The following COMMD10 variants were observed in gnomAD, a reference collection of about 807,000 sequenced individuals.
COMMD10 encodes COMM domain containing 10.
In COMMD10, 33 loss-of-function variants were observed where a neutral mutation model predicts 28.9. That is an observed-to-expected ratio of 1.14 (90% CI 0.87 to 1.53). The LOEUF (loss-of-function observed/expected upper bound fraction) is 1.53, where lower values mean the gene tolerates loss of function less well. COMMD10 is among the 40% of genes most tolerant of loss of function. COMMD10 has a pLI of 0.00. For synonymous variants in COMMD10, 110 were observed against 81.7 expected (o/e 1.35, Z -1.87); for missense variants, 310 against 233.4 (o/e 1.33, Z -2.14).
chr5:116,131,232 AAGG>A (rs1481276526), intron 4 of COMMD10, among the ~76,000 whole-genome samples: 1 of 152,018 alleles, frequency 6.6e-6, no homozygotes, highest in African/African-American at 2.4e-5. Flanking sequence ...TAACTTGCTT[AAGG>A]TCAATTAGTA....
chr5:116,140,675 G>A (rs1366308513), intron 5 of COMMD10, among the ~76,000 whole-genome samples: 3 of 151,848 alleles, frequency 2.0e-5, no homozygotes, highest in Admixed American at 2.0e-4. Context: ...AATGGTTAGT[G>A]ATATGGAACA....
At chr5:116,285,886 G>A (rs2112713210) in intron 5 of COMMD10, among the ~76,000 whole-genome samples, 1 of 151,890 alleles carries the variant, frequency 6.6e-6, no homozygotes, top group East Asian at 1.9e-4. Flanking sequence ...ATTAGAATAA[G>A]CTTGGAAGTA....
intron 5 of COMMD10, among the ~76,000 whole-genome samples, chr5:116,245,424 A>T (rs959923978): frequency 2.0e-5 from 3 of 152,152 alleles, no homozygotes; most frequent in African/African-American, 7.2e-5. Context: ...TATGAAGAAG[A>T]GCTGGTACCA....
At chr5:116,142,546 T>C (rs1217892094) in intron 5 of COMMD10, among the ~76,000 whole-genome samples, 1 of 151,770 alleles carries the variant, frequency 6.6e-6, no homozygotes, top group Non-Finnish European at 1.5e-5. Flanking sequence ...TTTTGGGGAA[T>C]ATACACAGAA....
intron 5 of COMMD10, among the ~76,000 whole-genome samples, chr5:116,270,598 A>G (rs1750727605): frequency 6.6e-6 from 1 of 151,890 alleles, no homozygotes; most frequent in African/African-American, 2.4e-5. Flanking sequence ...TAGAAAGAAC[A>G]GGGATGCTGC....
intron 5 of COMMD10, among the ~76,000 whole-genome samples, chr5:116,214,799 G>A (rs923942272): frequency 6.6e-6 from 1 of 152,002 alleles, no homozygotes; most frequent in African/African-American, 2.4e-5. Flanking sequence ...ATTGTTTCCT[G>A]CAGTGATTCT....
At chr5:116,250,748 C>T (rs934600107) in intron 5 of COMMD10, among the ~76,000 whole-genome samples, 1 of 151,934 alleles carries the variant, frequency 6.6e-6, no homozygotes, top group Non-Finnish European at 1.5e-5. Context: ...GAGAGTCTCT[C>T]TTCTGAGAAT....
At position 116,202,946 on chromosome 5, in the gene COMMD10, C is replaced by T. The variant is rs557028023; in HGVS notation, c.510+68768C>T. Among the ~76,000 whole-genome samples, 1,343 of 152,132 alleles carry T rather than the reference C, an allele frequency of 8.8e-3. 12 individuals are homozygous for T. The highest frequency in any genetic ancestry group is 0.013 in the Admixed American group (195 of 15,278). On this transcript the variant is annotated intron_variant, in intron 5 of 6. Coordinates refer to ENST00000274458, the MANE Select transcript of COMMD10 (RefSeq NM_016144.4). The stretch of plus-strand genomic sequence containing the variant: ...TTGCCATTGCTTTTGGTGTTTTAGA[C>T]ATGAAGGCCTTGCCCATGCCTATGT...
At chr5:116,172,298 C>T (rs1158358644) in intron 5 of COMMD10, among the ~76,000 whole-genome samples, 1 of 152,078 alleles carries the variant, frequency 6.6e-6, no homozygotes, top group African/African-American at 2.4e-5. Context: ...AAGCTATTTA[C>T]ACTGCTTCAG....
intron 4 of COMMD10, among the ~76,000 whole-genome samples, chr5:116,104,395 T>C (rs535570672): frequency 6.6e-6 from 1 of 152,280 alleles, no homozygotes; most frequent in African/African-American, 2.4e-5. Context: ...AGGTATTGTA[T>C]CCTTTTTGTA....
At chr5:116,228,966 T>A (rs1749463950) in intron 5 of COMMD10, among the ~76,000 whole-genome samples, 2 of 151,986 alleles carry the variant, frequency 1.3e-5, no homozygotes, top group Non-Finnish European at 2.9e-5. Flanking sequence ...TAGGGTAGAT[T>A]ATTTTATCTT....
At chr5:116,123,370 T>C (rs1190318012) in intron 4 of COMMD10, among the ~76,000 whole-genome samples, 1 of 152,188 alleles carries the variant, frequency 6.6e-6, no homozygotes, top group Non-Finnish European at 1.5e-5. Context: ...ATGGATTACG[T>C]TTATTGATTG....
chr5:116,184,969 A>G (rs1415351756), intron 5 of COMMD10, among the ~76,000 whole-genome samples: 2 of 152,052 alleles, frequency 1.3e-5, no homozygotes, highest in Non-Finnish European at 2.9e-5. Context: ...TATTTTGCAA[A>G]ATGAGAATAA....
intron 5 of COMMD10, among the ~76,000 whole-genome samples, chr5:116,255,503 A>G (rs1476625275): frequency 6.6e-6 from 1 of 151,542 alleles, no homozygotes; most frequent in Non-Finnish European, 1.5e-5. Context: ...GGTGGTGACA[A>G]AATCTCTCAG....
chr5:116,242,531 C>T (rs1195626326), intron 5 of COMMD10, among the ~76,000 whole-genome samples: 3 of 152,108 alleles, frequency 2.0e-5, no homozygotes, highest in African/African-American at 7.2e-5. Flanking sequence ...TGAGTTTTTT[C>T]TCAAGGTTCA....
chr5:116,289,092 T>C lies in COMMD10; in HGVS notation c.511-2425T>C, dbSNP rs75782771. Among the ~76,000 whole-genome samples the C allele has an allele frequency of 2.4e-3, 361 of 151,306 alleles. 3 individuals are homozygous for C. The highest frequency in any genetic ancestry group is 0.014 in the East Asian group (70 of 5,134). On this transcript the variant is annotated intron_variant, in intron 5 of 6. Coordinates refer to ENST00000274458, the MANE Select transcript of COMMD10 (RefSeq NM_016144.4). ...AGATGGGGTTTCACCATGTTGGCCA[T>C]GCTGGTCTCGAACTCCTGACCTCAG...
intron 4 of COMMD10, among the ~76,000 whole-genome samples, chr5:116,128,242 A>G (rs1205726870): frequency 2.0e-5 from 3 of 152,106 alleles, no homozygotes; most frequent in Admixed American, 6.6e-5. Context: ...AAGTTATAAT[A>G]TTTTGAGGTG....
chr5:116,273,575 T>C (rs1364063067), intron 5 of COMMD10, among the ~76,000 whole-genome samples: 1 of 151,912 alleles, frequency 6.6e-6, no homozygotes, highest in African/African-American at 2.4e-5. Context: ...TTAATATTAA[T>C]GACTAGACTA....
At chr5:116,212,496 CTGTGTGTG>C (rs11268771) in intron 5 of COMMD10, among the ~76,000 whole-genome samples, 654 of 63,858 alleles carry the variant, frequency 0.01, 17 homozygotes, top group Middle Eastern at 0.031. Context: ...TACTGAAATG[CTGTGTGTG>C]TGTGTGTGTG....
Sources: allele counts gnomAD v4.1 joint callset (sites outside exome capture counted in the v4.1 genomes callset), GRCh38; gene constraint gnomAD v4.1.1; transcripts MANE v1.5; gene names NCBI Gene and HGNC (gene_info 2026-07-23, HGNC 2026-07-21).